TSPAN12: variants seen among roughly 807,000 people sequenced by gnomAD.
TSPAN12 encodes tetraspanin-12.
TSPAN12 carries 19 observed loss-of-function variants against 39.2 expected under a neutral mutation model. That is an observed-to-expected ratio of 0.49 (90% confidence interval 0.34 to 0.71). The LOEUF is 0.71. Among genes scored for constraint, TSPAN12 ranks in the 30% least tolerant of loss-of-function variants. The pLI is 0.01. For synonymous variants in TSPAN12, 119 were observed against 124.8 expected, an observed-to-expected ratio of 0.95 and a Z score of 0.31; for missense variants, 314 against 359.9, an observed-to-expected ratio of 0.87 and a Z score of 1.03.
At chr7:120,824,674 TAAC>T (rs1436685642) in intron 4 of TSPAN12, among the ~76,000 whole-genome samples, 2 of 152,198 alleles carry the variant, frequency 1.3e-5, no homozygotes, top group East Asian at 1.9e-4. Flanking sequence ...TAATGGGTAT[TAAC>T]AAACTTTCTA....
At chr7:120,843,337 G>A (rs1326700443) in intron 2 of TSPAN12, among the ~76,000 whole-genome samples, 2 of 152,170 alleles carry the variant, frequency 1.3e-5, no homozygotes, top group African/African-American at 2.4e-5. Context: ...GAGTCACCTT[G>A]CCTTGGCCTG....
intron 7 of TSPAN12, among the ~76,000 whole-genome samples, chr7:120,801,328 GT>G (rs1025716257): frequency 1.3e-5 from 2 of 152,108 alleles, no homozygotes; most frequent in African/African-American, 4.8e-5. Context: ...ATTTGTCAAT[GT>G]TTTCTAGCAT....
intron 4 of TSPAN12, among the ~76,000 whole-genome samples, chr7:120,838,510 A>G (rs192976669): frequency 1.3e-5 from 2 of 152,346 alleles, no homozygotes; most frequent in East Asian, 3.9e-4. Context: ...TAATAACTAC[A>G]AGGACACTAG....
At chr7:120,808,158 C>G (rs1424581538) in intron 6 of TSPAN12, among the ~76,000 whole-genome samples, 2 of 152,126 alleles carry the variant, frequency 1.3e-5, no homozygotes, top group Non-Finnish European at 2.9e-5. Flanking sequence ...TTGGAACTCT[C>G]TAGCTCCATC....
intron 2 of TSPAN12, among the ~76,000 whole-genome samples, chr7:120,845,338 T>C (rs1447363878): frequency 6.6e-6 from 1 of 152,232 alleles, no homozygotes; most frequent in African/African-American, 2.4e-5. Context: ...CCCCTTTGCT[T>C]ATGCAAATTT....
At chr7:120,808,801 T>C (rs151018839) in intron 6 of TSPAN12, among the ~76,000 whole-genome samples, 74 of 152,154 alleles carry the variant, frequency 4.9e-4, no homozygotes, top group African/African-American at 1.8e-3. Context: ...CAGGTTATTC[T>C]AGAATTGGGT....
chr7:120,793,812 G>A (rs1398167807), intron 7 of TSPAN12, among the ~76,000 whole-genome samples: 1 of 152,118 alleles, frequency 6.6e-6, no homozygotes. Flanking sequence ...GACATGTATT[G>A]GAAAACACCA....
chr7:120,818,046 A>AT (rs2116396456), intron 4 of TSPAN12, among the ~76,000 whole-genome samples: 1 of 152,276 alleles, frequency 6.6e-6, no homozygotes, highest in South Asian at 2.1e-4. Flanking sequence ...CTTTAAAATG[A>AT]GTCAGCACAG....
intron 7 of TSPAN12, 34 bp from the exon 8 acceptor site, chr7:120,788,931 G>A: frequency 6.2e-7 from 1 of 1,611,138 alleles, no homozygotes; most frequent in South Asian, 1.1e-5. Flanking sequence ...CATTACTTTA[G>A]ATATGTTACA....
At chr7:120,794,589 T>C (rs1001869257) in intron 7 of TSPAN12, among the ~76,000 whole-genome samples, 2 of 152,256 alleles carry the variant, frequency 1.3e-5, no homozygotes, top group Admixed American at 1.3e-4. Flanking sequence ...GATACCATTA[T>C]CACTTGCCTT....
At chr7:120,849,484 A>G (rs890284983) in intron 2 of TSPAN12, among the ~76,000 whole-genome samples, 14 of 152,240 alleles carry the variant, frequency 9.2e-5, no homozygotes, top group Non-Finnish European at 1.9e-4. Flanking sequence ...ACTGTCTGCC[A>G]TCTGTAACAT....
chr7:120,834,840 T>C (rs1478901054), intron 4 of TSPAN12, among the ~76,000 whole-genome samples: 2 of 152,222 alleles, frequency 1.3e-5, no homozygotes, highest in Non-Finnish European at 2.9e-5. Context: ...CAAAAAATAC[T>C]GTAAGTTACT....
intron 4 of TSPAN12, among the ~76,000 whole-genome samples, chr7:120,816,542 CA>C (rs1377881647): frequency 6.6e-6 from 1 of 152,024 alleles, no homozygotes; most frequent in Admixed American, 6.6e-5. Context: ...GAGTCAGCTG[CA>C]AAGTCAAGCA....
intron 2 of TSPAN12, among the ~76,000 whole-genome samples, chr7:120,846,447 TTTCATTC>T (rs1477880421): frequency 6.6e-6 from 1 of 152,242 alleles, no homozygotes; most frequent in African/African-American, 2.4e-5. Context: ...CAAAACATTA[TTTCATTC>T]TTCATAGTGT....
chr7:120,790,713 C>T (rs1463198073), intron 7 of TSPAN12, among the ~76,000 whole-genome samples: 1 of 152,154 alleles, frequency 6.6e-6, no homozygotes, highest in African/African-American at 2.4e-5. Flanking sequence ...GACATTAGAT[C>T]ATTAGCTTCC....
At chr7:120,807,376 A>C (rs1033625403) in intron 6 of TSPAN12, among the ~76,000 whole-genome samples, 2 of 152,136 alleles carry the variant, frequency 1.3e-5, no homozygotes, top group Non-Finnish European at 2.9e-5. Flanking sequence ...TTACTTTTTT[A>C]TCTTATTTCT....
At chr7:120,856,663 C>T (rs1366075370) in intron 2 of TSPAN12, 35 bp downstream of exon 2, 2 of 1,611,742 alleles carry the variant, frequency 1.2e-6, no homozygotes, top group South Asian at 2.2e-5. Flanking sequence ...CAGAGCCAGC[C>T]GTTCCCACCT....
At chr7:120,807,926 C>G (rs758773441) in intron 6 of TSPAN12, among the ~76,000 whole-genome samples, 10 of 152,158 alleles carry the variant, frequency 6.6e-5, no homozygotes, top group Non-Finnish European at 1.0e-4. Context: ...ATACTATAAA[C>G]ATCACAAATT....
chr7:120,804,035 G>C (rs1040570814), intron 7 of TSPAN12, among the ~76,000 whole-genome samples: 1 of 152,086 alleles, frequency 6.6e-6, no homozygotes, highest in South Asian at 2.1e-4. Flanking sequence ...ATGATCAATA[G>C]TAGTTATAAT....
Sources: allele counts gnomAD v4.1 joint callset (sites outside exome capture counted in the v4.1 genomes callset), GRCh38; gene constraint gnomAD v4.1.1; transcripts MANE v1.5; gene names NCBI Gene and HGNC (gene_info 2026-07-23, HGNC 2026-07-21).